ELF4: variants seen among roughly 807,000 people sequenced by gnomAD.
The protein encoded by ELF4 is ETS-related transcription factor Elf-4.
A neutral mutation model predicts 31.7 loss-of-function variants in ELF4; 10 were observed. That is an observed-to-expected ratio of 0.32 (90% CI 0.19 to 0.54). The LOEUF (loss-of-function observed/expected upper bound fraction) is 0.54. ELF4 is among the 20% of genes least tolerant of loss of function. ELF4 has a pLI of 0.95. For missense variants in ELF4, 418 were observed against 522.0 expected (o/e 0.80, Z 1.94); for synonymous variants, 208 against 226.7 (o/e 0.92, Z 0.74).
intron 2 of ELF4, among the ~76,000 whole-genome samples, chrX:130,075,881 AT>A (rs1326392888): frequency 5.4e-5 from 6 of 111,469 alleles, no homozygotes; most frequent in Admixed American, 9.6e-5. Context: ...CACTGCCTGG[AT>A]GGGGGAGAGG....
At chrX:130,071,554 C>T (rs1932788137) in intron 5 of ELF4, 135 bp from the exon 6 acceptor site, 2 of 585,201 alleles carry the variant, frequency 3.4e-6, no homozygotes, top group Non-Finnish European at 5.7e-6. Flanking sequence ...CTCTCCACAG[C>T]CACAGCCCTC....
At chrX:130,111,521 G>T (rs908714154), upstream of ELF4, among the ~76,000 whole-genome samples, 1 of 112,638 alleles carries the variant, frequency 8.9e-6, no homozygotes, top group East Asian at 2.8e-4. Context: ...GCCCGACTCC[G>T]CAGAATCCTG....
intron 2 of ELF4, among the ~76,000 whole-genome samples, chrX:130,078,762 T>TCTAC (rs1245337715): frequency 9.4e-5 from 8 of 84,883 alleles, no homozygotes; most frequent in South Asian, 6.9e-4. Flanking sequence ...TCTCTCTCTC[T>TCTAC]ACACACACAC....
chrX:130,101,875 G>A (rs983211800), intron 1 of ELF4, among the ~76,000 whole-genome samples: 6 of 111,802 alleles, frequency 5.4e-5, no homozygotes, highest in African/African-American at 9.8e-5. Flanking sequence ...AGTGGCTCAC[G>A]CCGGTAATCC....
chrX:130,078,760 T>TACACA (rs1400014183), intron 2 of ELF4, among the ~76,000 whole-genome samples: 36 of 76,445 alleles, frequency 4.7e-4, no homozygotes, highest in Admixed American at 8.6e-4. Flanking sequence ...TCTCTCTCTC[T>TACACA]CTACACACAC....
chrX:130,089,453 G>T (rs1222233477), intron 1 of ELF4, among the ~76,000 whole-genome samples: 1 of 87,437 alleles, frequency 1.1e-5, no homozygotes, highest in Non-Finnish European at 2.1e-5. Flanking sequence ...GGGCCCCAGT[G>T]AGCTGAGATC....
At chrX:130,081,893 C>G (rs1932892440) in intron 1 of ELF4, among the ~76,000 whole-genome samples, 2 of 111,850 alleles carry the variant, frequency 1.8e-5, no homozygotes, top group South Asian at 7.5e-4. Flanking sequence ...ACTTTGCGCT[C>G]TCTCCACCCT....
At chrX:130,099,959 A>G (rs1193438288) in intron 1 of ELF4, among the ~76,000 whole-genome samples, 3 of 111,206 alleles carry the variant, frequency 2.7e-5, no homozygotes, top group Non-Finnish European at 5.7e-5. Flanking sequence ...TTTTAAGGAT[A>G]CCATCTGGAA....
intron 2 of ELF4, among the ~76,000 whole-genome samples, chrX:130,075,248 C>T (rs1200519118): frequency 9.4e-6 from 1 of 105,987 alleles, no homozygotes; most frequent in African/African-American, 3.5e-5. Context: ...GGATTACAGG[C>T]GTGAGCCACC....
intron 2 of ELF4, among the ~76,000 whole-genome samples, chrX:130,078,764 C>T (rs1299714535): frequency 3.3e-4 from 15 of 45,196 alleles, no homozygotes; most frequent in African/African-American, 8.4e-4. Context: ...TCTCTCTCTA[C>T]ACACACACAC....
At chrX:130,078,027 C>T (rs1932849492) in intron 2 of ELF4, among the ~76,000 whole-genome samples, 1 of 110,250 alleles carries the variant, frequency 9.1e-6, no homozygotes, top group African/African-American at 3.3e-5. Context: ...GTGCCTCACA[C>T]CTGTTGTTTT....
At chrX:130,086,071 C>T (rs1192943400) in intron 1 of ELF4, among the ~76,000 whole-genome samples, 1 of 112,079 alleles carries the variant, frequency 8.9e-6, no homozygotes, top group Non-Finnish European at 1.9e-5. Flanking sequence ...TATGGCTGGA[C>T]TCCAATGAGT....
At chrX:130,104,759 G>A (rs951871681) in intron 1 of ELF4, among the ~76,000 whole-genome samples, 5 of 112,019 alleles carry the variant, frequency 4.5e-5, no homozygotes, top group Non-Finnish European at 9.4e-5. Flanking sequence ...CATGTATTGG[G>A]AAGGATATTG....
intron 1 of ELF4, among the ~76,000 whole-genome samples, chrX:130,105,109 G>T (rs1239906936): frequency 9.0e-6 from 1 of 110,911 alleles, no homozygotes; most frequent in Non-Finnish European, 1.9e-5. Flanking sequence ...GATGGAGGTT[G>T]CAGTGAGCCA....
rs368468184 is a variant in ELF4 at position 130,071,262 on chromosome X, C to T, written c.617-30G>A. ...AGAGGGGCAGGCCGTGAGGGGCAGC[C>T]TGGGCAGCTGGGGCACCCTGGCAGC... On this transcript the variant is annotated intron_variant, in intron 6 of 8. Coordinates refer to ENST00000308167, the MANE Select transcript of ELF4 (RefSeq NM_001421.4). 6 of 1,209,522 alleles carry T rather than the reference C, an allele frequency of 5.0e-6. No homozygotes were observed. The African/African-American group carries it at 5.2e-5, about 11-fold the overall frequency.
In ELF4 at chrX:130,097,090, G is replaced by A. The variant is rs752833721; in HGVS notation, c.-210+13235C>T. Among the ~76,000 whole-genome samples, 574 of 104,958 alleles carry A rather than the reference G, an allele frequency of 5.5e-3. 6 individuals are homozygous for A. Among genetic ancestry groups the A allele is most frequent in the African/African-American group, 0.019 (552 of 28,392 alleles). The allele number at this position is 104,958 out of a possible 115,157, so 91.1% of individuals were successfully genotyped here. The stretch of plus-strand genomic sequence containing the variant: ...GGTGGGAAGGTGGCTTGAGGCCAGG[G>A]GTTTGAGACAAGCCTAGACAACATG... On this transcript the variant is annotated intron_variant, in intron 1 of 8. Coordinates refer to ENST00000308167, the MANE Select transcript of ELF4 (RefSeq NM_001421.4).
At chrX:130,105,854 CTGTGTGTGTGTGTGTGTGTG>C (rs60216838) in intron 1 of ELF4, among the ~76,000 whole-genome samples, 28 of 86,493 alleles carry the variant, frequency 3.2e-4, no homozygotes, top group East Asian at 3.1e-3. Context: ...CCCCAGGGGC[CTGTGTGTGTGTGTGTGTGTG>C]TGTGTGTGTG....
At chrX:130,096,670 G>A (rs962636346) in intron 1 of ELF4, among the ~76,000 whole-genome samples, 1 of 111,093 alleles carries the variant, frequency 9.0e-6, no homozygotes, top group Admixed American at 9.6e-5. Context: ...AAGGGCAGCG[G>A]CCCACTGAAG....
intron 1 of ELF4, among the ~76,000 whole-genome samples, chrX:130,100,326 G>A (rs371479374): frequency 9.0e-6 from 1 of 111,620 alleles, no homozygotes. Flanking sequence ...TGACATCGAT[G>A]GCTGTGACCA....
Sources: gnomAD v4.1 joint callset for allele counts (sites outside exome capture counted in the v4.1 genomes callset) on GRCh38, gnomAD v4.1.1 for gene constraint, MANE v1.5 for transcripts, NCBI Gene and HGNC (gene_info 2026-07-23, HGNC 2026-07-21) for gene names.